The following FGF14 variants were observed in gnomAD, a reference collection of about 807,000 sequenced individuals.
FGF14 encodes the protein fibroblast growth factor 14, also known as fibroblast growth factor homologous factor 4.
FGF14 carries 5 observed loss-of-function variants against 25.5 expected under a neutral mutation model. The ratio of observed to expected loss-of-function variants is 0.20; its 90% CI spans 0.10 to 0.41. The LOEUF (loss-of-function observed/expected upper bound fraction) is 0.41. Ranked by LOEUF, FGF14 falls within the 10% of genes least tolerant of loss-of-function variation. The pLI is 1.00. For missense variants in FGF14, 222 were observed against 320.1 expected (o/e 0.69, Z 2.34); for synonymous variants, 138 against 118.3 (o/e 1.17, Z -1.08).
intron 1 of FGF14, among the ~76,000 whole-genome samples, chr13:101,979,166 G>A (rs1030832932): frequency 3.3e-5 from 5 of 152,208 alleles, no homozygotes; most frequent in Admixed American, 1.3e-4. Flanking sequence ...TCAGCAAGAT[G>A]CTGCACTGTT....
intron 1 of FGF14, among the ~76,000 whole-genome samples, chr13:101,879,605 G>C (rs2138783849): frequency 1.3e-5 from 2 of 152,204 alleles, no homozygotes; most frequent in Middle Eastern, 3.4e-3. Flanking sequence ...GATTTAAATG[G>C]AAAAATGTAC....
intron 1 of FGF14, among the ~76,000 whole-genome samples, chr13:101,971,430 G>T (rs2037586979): frequency 6.6e-6 from 1 of 151,784 alleles, no homozygotes; most frequent in Non-Finnish European, 1.5e-5. Context: ...TAGTGCAGTG[G>T]CATGTTCTTG....
chr13:101,969,535 G>T (rs2037466453), intron 1 of FGF14, among the ~76,000 whole-genome samples: 1 of 152,170 alleles, frequency 6.6e-6, no homozygotes, highest in Non-Finnish European at 1.5e-5. Flanking sequence ...AAGGAATAGG[G>T]CTCTAATGAG....
intron 1 of FGF14, among the ~76,000 whole-genome samples, chr13:102,028,794 T>C (rs890667152): frequency 6.6e-6 from 1 of 152,002 alleles, no homozygotes; most frequent in Non-Finnish European, 1.5e-5. Flanking sequence ...AAGGAAAAAC[T>C]GGGAACTATA....
intron 1 of FGF14, among the ~76,000 whole-genome samples, chr13:102,028,157 G>T (rs986420037): frequency 3.9e-5 from 6 of 152,044 alleles, no homozygotes; most frequent in African/African-American, 7.2e-5. Context: ...CAGAAGTTTT[G>T]ATGCCTTTTC....
intron 1 of FGF14, among the ~76,000 whole-genome samples, chr13:102,024,823 C>T (rs996134297): frequency 2.1e-4 from 32 of 151,760 alleles, no homozygotes; most frequent in African/African-American, 7.5e-4. Flanking sequence ...GTTATTCCAG[C>T]ACCATTTGTT....
At chr13:101,927,129 G>A (rs2034418257) in intron 1 of FGF14, among the ~76,000 whole-genome samples, 2 of 152,006 alleles carry the variant, frequency 1.3e-5, no homozygotes, top group Non-Finnish European at 1.5e-5. Context: ...ACCCTCCTCT[G>A]AGGTCCTACA....
chr13:102,175,685 T>C (rs1041881094), intron 1 of FGF14, among the ~76,000 whole-genome samples: 5 of 151,604 alleles, frequency 3.3e-5, no homozygotes, highest in Non-Finnish European at 7.4e-5. Flanking sequence ...AGAAATAAGA[T>C]CTATAATATG....
intron 1 of FGF14, among the ~76,000 whole-genome samples, chr13:102,128,564 C>A (rs1269196883): frequency 3.3e-5 from 5 of 152,182 alleles, no homozygotes; most frequent in African/African-American, 1.2e-4. Flanking sequence ...AATGTGAGTG[C>A]TAATTCTGAA....
intron 1 of FGF14, among the ~76,000 whole-genome samples, chr13:102,290,726 T>G (rs192265619): frequency 6.6e-6 from 1 of 152,240 alleles, no homozygotes; most frequent in East Asian, 1.9e-4. Flanking sequence ...AGTGATAGGG[T>G]ACAGCCCCGA....
chr13:102,172,000 T>G (rs1237483684), intron 1 of FGF14, among the ~76,000 whole-genome samples: 1 of 151,434 alleles, frequency 6.6e-6, no homozygotes, highest in African/African-American at 2.4e-5. Flanking sequence ...ATTTATTTAT[T>G]TATTTATTTA....
At chr13:102,232,245 G>C (rs933469873) in intron 1 of FGF14, among the ~76,000 whole-genome samples, 1 of 151,978 alleles carries the variant, frequency 6.6e-6, no homozygotes, top group African/African-American at 2.4e-5. Context: ...GTGATTAAAA[G>C]TAGAAAAAAA....
At chr13:102,262,923 T>C (rs758670117) in intron 1 of FGF14, 3 of 368,996 alleles carry the variant, frequency 8.1e-6, no homozygotes, top group East Asian at 5.6e-5. Context: ...AAAAAATATA[T>C]ATTCCCAACA....
rs576271210 is a variant in FGF14, at chr13:101,715,073, C to T, written c.*7758G>A. Reference sequence around the variant, plus strand: ...TAAATTCATTTGTTTAGCCAAGTTACGAGGAAACAGAGACATGTATACTTC... The same window carrying T: ...TAAATTCATTTGTTTAGCCAAGTTATGAGGAAACAGAGACATGTATACTTC... On this transcript the variant is annotated 3_prime_UTR_variant, in exon 5 of 5. Transcript: ENST00000376143. 48 of 162,574 alleles carry T rather than the reference C, an allele frequency of 3.0e-4. No individual in the cohort carries two copies. Among genetic ancestry groups the T allele is most frequent in the African/African-American group, 9.8e-4 (41 of 41,654 alleles). 10.1% of individuals were successfully genotyped at this position (162,574 alleles called of 1,614,324 possible).
At chr13:102,131,510 C>A (rs531603967) in intron 1 of FGF14, among the ~76,000 whole-genome samples, 2 of 152,094 alleles carry the variant, frequency 1.3e-5, no homozygotes, top group East Asian at 3.9e-4. Context: ...CAGCCGTATG[C>A]GCAACTCATT....
rs189445629 is a variant in FGF14, at chr13:102,245,854, G to A, written c.208+155617C>T. Among the ~76,000 whole-genome samples, 34 of 152,134 alleles carry A rather than the reference G, an allele frequency of 2.2e-4. No homozygotes were observed. The South Asian group carries it at 3.5e-3, about 16-fold the overall frequency. ...GCTTAATATTCAGGAACAAATCTGC[G>A]TGCAAGACAGATCAAGTGCATACAA... On this transcript the variant is annotated intron_variant, in intron 1 of 4. Coordinates refer to the FGF14 transcript ENST00000376131.
intron 1 of FGF14, among the ~76,000 whole-genome samples, chr13:102,090,811 C>T (rs1342181073): frequency 2.0e-5 from 3 of 152,162 alleles, no homozygotes; most frequent in Non-Finnish European, 4.4e-5. Context: ...AATCTAACAG[C>T]GATGAGATCC....
chr13:102,103,843 T>A (rs1198659214), intron 1 of FGF14, among the ~76,000 whole-genome samples: 1 of 152,160 alleles, frequency 6.6e-6, no homozygotes, highest in Non-Finnish European at 1.5e-5. Flanking sequence ...TCCAGGATGA[T>A]AAGCGCCAGA....
intron 3 of FGF14, among the ~76,000 whole-genome samples, chr13:101,740,170 A>G (rs2036450621): frequency 1.3e-5 from 2 of 152,218 alleles, no homozygotes; most frequent in South Asian, 4.1e-4. Context: ...ATTTTGAGGC[A>G]GTAGCTTGCC....
Sources: gnomAD v4.1 joint callset for allele counts (sites outside exome capture counted in the v4.1 genomes callset) on GRCh38, gnomAD v4.1.1 for gene constraint, MANE v1.5 for transcripts, NCBI Gene and HGNC (gene_info 2026-07-23, HGNC 2026-07-21) for gene names.